Variants in POLK observed in about 807,000 individuals in gnomAD.
The protein encoded by POLK is polymerase (DNA directed) kappa.
POLK carries 76 observed loss-of-function variants against 94.0 expected under a neutral mutation model. The observed-to-expected ratio is 0.81, with a 90% CI of 0.67 to 0.98. The LOEUF (loss-of-function observed/expected upper bound fraction) is 0.98, where lower values mean the gene tolerates loss of function less well. Ranked by LOEUF, POLK falls within the 50% of genes least tolerant of loss-of-function variation. The pLI is 0.00. For synonymous variants in POLK, 349 were observed against 325.4 expected (o/e 1.07, Z -0.78); for missense variants, 954 against 1,010.1 (o/e 0.94, Z 0.75).
At chr5:75,529,272 G>C (rs777403814) in intron 1 of POLK, among the ~76,000 whole-genome samples, 20 of 151,998 alleles carry the variant, frequency 1.3e-4, no homozygotes, top group South Asian at 2.1e-4. Context: ...AAAAGAGAGA[G>C]GGGGGAGGTG....
chr5:75,546,918 C>G (rs920108702), intron 1 of POLK, 92 bp from the exon 2 acceptor site: 1 of 531,604 alleles, frequency 1.9e-6, no homozygotes, highest in Non-Finnish European at 3.2e-6. Context: ...CTGCCCGCCT[C>G]GGCCTCCCAA....
upstream of POLK, chr5:75,511,722 C>A (rs1233907549): frequency 6.5e-7 from 1 of 1,547,412 alleles, no homozygotes; most frequent in Middle Eastern, 1.8e-4. Flanking sequence ...TCTGACGCGA[C>A]ACGCCGAGCC....
chr5:75,519,921 C>A (rs1768489898), intron 1 of POLK, among the ~76,000 whole-genome samples: 1 of 152,178 alleles, frequency 6.6e-6, no homozygotes. Flanking sequence ...CATTTTATTG[C>A]ATGTTTTGTG....
the POLK span, chr5:75,608,856 A>G: frequency 6.6e-6 from 1 of 152,230 alleles, no homozygotes; most frequent in Non-Finnish European, 1.5e-5. Context: ...GATCAGAGAG[A>G]TGAGTAGGGC....
chr5:75,533,565 G>A (rs751202961), intron 1 of POLK, among the ~76,000 whole-genome samples: 15 of 152,084 alleles, frequency 9.9e-5, no homozygotes, highest in African/African-American at 3.4e-4. Context: ...TTGGCTATTC[G>A]AGCTCTTTTT....
chr5:75,512,665 AC>A (rs1768108679), intron 1 of POLK: 1 of 152,236 alleles, frequency 6.6e-6, no homozygotes. Flanking sequence ...GTCAAGGATA[AC>A]TTTGATTATG....
chr5:75,590,368 G>A lies in POLK; in HGVS notation c.1284G>A (p.Ala428=), dbSNP rs770984846. Residue 428 remains alanine (A), a synonymous_variant, in exon 11 of 15, where the codon GCG becomes GCA. Coordinates refer to ENST00000241436, the Ensembl canonical transcript of POLK. ...GGACATTCAGTGAGATAAATAAAGC[G>A]GAAGAGCAATACAGCCTATGTCAAG... 2.1e-5 allele frequency: 33 copies of A among 1,596,492 alleles called. No homozygotes were observed. The highest frequency in any genetic ancestry group is 1.8e-4 in the South Asian group (16 of 88,804).
chr5:75,569,528 A>G, intron 4 of POLK, 36 bp downstream of exon 4: 1 of 1,546,678 alleles, frequency 6.5e-7, no homozygotes, highest in Non-Finnish European at 8.9e-7. Flanking sequence ...GAAATTTTAT[A>G]ACGTACTCAA....
Position 75,596,864 on chromosome 5 carries a change from G to A in POLK, c.2171G>A (p.Ser724Asn). The stretch of plus-strand genomic sequence containing the variant: ...ATAGATGCTTTAAGTAATAAGCATA[G>A]CAAGGAAGAATGTTCTAGTCTCCCA... The change falls in exon 13 of 15, where the codon AGC becomes AAC. Residue 724 changes from serine to asparagine, a missense_variant. Ser to Asn is a conservative substitution (Grantham distance 46, BLOSUM62 1). Coordinates refer to ENST00000241436, the Ensembl canonical transcript of POLK. 3 of 1,613,416 alleles carry A rather than the reference G, an allele frequency of 1.9e-6. No individual in the cohort carries two copies. The South Asian group carries it at 3.3e-5, about 18-fold the overall frequency.
chr5:75,580,639 TAC>T (rs1383826630), intron 6 of POLK: 15 of 375,516 alleles, frequency 4.0e-5, no homozygotes, highest in Non-Finnish European at 5.5e-5. Context: ...GTCAAAGTGA[TAC>T]TTTATAAACA....
chr5:75,546,532 A>T (rs1244667418), intron 1 of POLK, among the ~76,000 whole-genome samples: 3 of 152,174 alleles, frequency 2.0e-5, no homozygotes, highest in South Asian at 4.1e-4. Context: ...TCATTTAAAA[A>T]TTTTGTTTTG....
chr5:75,578,057 T>C (rs1771996556), intron 6 of POLK, among the ~76,000 whole-genome samples: 1 of 152,220 alleles, frequency 6.6e-6, no homozygotes, highest in Admixed American at 6.5e-5. Flanking sequence ...TAAATAATTA[T>C]GTCAAAGCAT....
At chr5:75,579,759 C>T (rs115614845) in intron 6 of POLK, among the ~76,000 whole-genome samples, 1 of 151,786 alleles carries the variant, frequency 6.6e-6, no homozygotes, top group African/African-American at 2.4e-5. Context: ...GAAAATAAGG[C>T]TTATTGGCGA....
At chr5:75,583,499 T>C in intron 8 of POLK, 82 bp downstream of exon 8, 1 of 794,210 alleles carries the variant, frequency 1.3e-6, no homozygotes, top group Non-Finnish European at 1.9e-6. Flanking sequence ...TTAATCATTC[T>C]TTGCTTAAAA....
At chr5:75,560,176 T>A (rs1322585136) in intron 3 of POLK, among the ~76,000 whole-genome samples, 1 of 152,258 alleles carries the variant, frequency 6.6e-6, no homozygotes, top group African/African-American at 2.4e-5. Flanking sequence ...AGCTTTAGTT[T>A]CATCTATAAA....
At chr5:75,511,008 C>CG, upstream of POLK, 1 of 1,394,430 alleles carries the variant, frequency 7.2e-7, no homozygotes, top group Non-Finnish European at 9.4e-7. Flanking sequence ...CCTCGCACCC[C>CG]GGCACGTTCC....
rs3822586 is a variant in POLK at position 75,578,039 on chromosome 5, A to G, written c.694+1106A>G. 2.2e-4 allele frequency among the ~76,000 whole-genome samples: 34 copies of G among 152,360 alleles called. 1 individual carries two copies. The East Asian group carries it at 6.2e-3, about 28-fold the overall frequency. Reference sequence around the variant, plus strand: ...CCTTACTTTCACAAGAGAATGGGGGAAAATCATTAAATAATTATGTCAAAG... The same window carrying G: ...CCTTACTTTCACAAGAGAATGGGGGGAAATCATTAAATAATTATGTCAAAG... On this transcript the variant is annotated intron_variant, in intron 6 of 14. Transcript: ENST00000241436.
intron 9 of POLK, among the ~76,000 whole-genome samples, chr5:75,586,580 A>G (rs908368105): frequency 1.3e-5 from 2 of 152,206 alleles, no homozygotes; most frequent in Non-Finnish European, 2.9e-5. Flanking sequence ...CTGAGGTTCT[A>G]TTATAGAGTG....
chr5:75,533,182 T>C (rs1769267237), intron 1 of POLK, among the ~76,000 whole-genome samples: 1 of 152,226 alleles, frequency 6.6e-6, no homozygotes, highest in African/African-American at 2.4e-5. Flanking sequence ...AGAATGTTAT[T>C]TCCTAGGTTA....
Sources: gnomAD v4.1 joint callset for allele counts (sites outside exome capture counted in the v4.1 genomes callset) on GRCh38, gnomAD v4.1.1 for gene constraint, MANE v1.5 for transcripts, NCBI Gene and HGNC (gene_info 2026-07-23, HGNC 2026-07-21) for gene names.